The following DNM3 variants were observed in gnomAD, a reference collection of about 807,000 sequenced individuals.
DNM3 encodes the protein dynamin-3.
In DNM3, 47 loss-of-function variants were observed where a neutral mutation model predicts 101.6. That is an observed-to-expected ratio of 0.46 (90% CI 0.37 to 0.59). The LOEUF (loss-of-function observed/expected upper bound fraction) is 0.59, where lower values mean the gene tolerates loss of function less well. DNM3 is among the 20% of genes least tolerant of loss of function. The pLI, the probability that DNM3 is intolerant of heterozygous loss-of-function variation, is 0.00. For synonymous variants in DNM3, 385 were observed against 387.9 expected (o/e 0.99, Z 0.09); for missense variants, 849 against 1,085.7 (o/e 0.78, Z 3.06).
chr1:172,107,369 C>T (rs1178248781), intron 13 of DNM3, among the ~76,000 whole-genome samples: 2 of 151,142 alleles, frequency 1.3e-5, no homozygotes, highest in Non-Finnish European at 2.9e-5. Context: ...GATGGTGAAA[C>T]TCAATATAGT....
intron 14 of DNM3, among the ~76,000 whole-genome samples, chr1:172,210,288 T>C (rs1306421987): frequency 6.7e-6 from 1 of 149,662 alleles, no homozygotes; most frequent in East Asian, 2.0e-4. Context: ...ATCAAATATA[T>C]AGGTAATTAA....
chr1:172,057,507 T>C (rs1435885104), intron 10 of DNM3, among the ~76,000 whole-genome samples: 4 of 152,290 alleles, frequency 2.6e-5, no homozygotes, highest in Non-Finnish European at 5.9e-5. Flanking sequence ...CAGCAGAAAC[T>C]CTACAAGCCA....
chr1:172,262,213 G>A lies in DNM3; in HGVS notation c.1769+8531G>A, dbSNP rs145060636. Among the ~76,000 whole-genome samples, 253 of 152,246 alleles carry A rather than the reference G, an allele frequency of 1.7e-3. 1 individual carries two copies. Among genetic ancestry groups the A allele is most frequent in the African/African-American group, 5.6e-3 (231 of 41,552 alleles). ...CTCCGCAGCAGCTTAAAGCAGTGGT[G>A]GTTGTGGGCAGTGGCATTTGTCCTT... On this transcript the variant is annotated intron_variant, in intron 15 of 20. Transcript: ENST00000627582.
intron 14 of DNM3, among the ~76,000 whole-genome samples, chr1:172,223,211 C>A (rs1344511608): frequency 6.6e-6 from 1 of 151,602 alleles, no homozygotes; most frequent in East Asian, 1.9e-4. Context: ...CTGTTGATCT[C>A]TTCCCATCCT....
intron 14 of DNM3, among the ~76,000 whole-genome samples, chr1:172,164,689 C>T (rs571114336): frequency 1.3e-5 from 2 of 152,066 alleles, no homozygotes; most frequent in East Asian, 3.9e-4. Context: ...ACGGTGTAAA[C>T]CAGAGGGACA....
chr1:172,339,535 A>C (rs1271367381), intron 17 of DNM3, among the ~76,000 whole-genome samples: 1 of 152,174 alleles, frequency 6.6e-6, no homozygotes, highest in East Asian at 1.9e-4. Context: ...AAGCACCCAG[A>C]GGTGTAACAA....
chr1:171,900,767 G>T (rs1242449713), intron 1 of DNM3, among the ~76,000 whole-genome samples: 2 of 152,040 alleles, frequency 1.3e-5, no homozygotes, highest in Admixed American at 1.3e-4. Flanking sequence ...TTAAAAAGCT[G>T]GAACATTTTT....
intron 14 of DNM3, among the ~76,000 whole-genome samples, chr1:172,243,360 G>GA (rs969768547): frequency 2.2e-4 from 34 of 152,060 alleles, no homozygotes; most frequent in African/African-American, 7.2e-4. Flanking sequence ...GCTAAGTGAG[G>GA]AAAAAAATAC....
chr1:172,342,746 A>C (rs995311384), intron 17 of DNM3, among the ~76,000 whole-genome samples: 5 of 152,214 alleles, frequency 3.3e-5, no homozygotes, highest in Non-Finnish European at 5.9e-5. Context: ...GGGAAAAAAA[A>C]GTAAACATGT....
At chr1:171,944,847 G>T (rs1216489208) in intron 2 of DNM3, among the ~76,000 whole-genome samples, 33 of 115,904 alleles carry the variant, frequency 2.8e-4, no homozygotes, top group Admixed American at 5.0e-4. Flanking sequence ...CTTTTTTTTT[G>T]GTGTTTCCTT....
chr1:172,323,712 A>G (rs149171310), intron 17 of DNM3, among the ~76,000 whole-genome samples: 70 of 152,350 alleles, frequency 4.6e-4, no homozygotes, highest in African/African-American at 1.5e-3. Flanking sequence ...TTGACTAAAA[A>G]TCAAACCTCT....
intron 1 of DNM3, among the ~76,000 whole-genome samples, chr1:171,890,807 A>G (rs531455099): frequency 6.6e-6 from 1 of 152,282 alleles, no homozygotes; most frequent in East Asian, 1.9e-4. Context: ...AGCAAAAAAC[A>G]AAACAAACAA....
chr1:171,861,265 G>C (rs2034148112), intron 1 of DNM3, among the ~76,000 whole-genome samples: 1 of 151,968 alleles, frequency 6.6e-6, no homozygotes, highest in Admixed American at 6.6e-5. Context: ...AATTTTTATG[G>C]AGTTGCATAG....
intron 1 of DNM3, among the ~76,000 whole-genome samples, chr1:171,856,174 C>T (rs1014641000): frequency 6.6e-6 from 1 of 152,040 alleles, no homozygotes; most frequent in African/African-American, 2.4e-5. Flanking sequence ...ATCAGATAGT[C>T]GTAGGTGTGT....
At chr1:172,412,881 G>A (rs1386976810), downstream of DNM3, among the ~76,000 whole-genome samples, 1 of 152,154 alleles carries the variant, frequency 6.6e-6, no homozygotes. Context: ...AGAAAGATGG[G>A]ATTTTTAAAG....
chr1:172,358,908 A>G (rs1024672010), intron 17 of DNM3, among the ~76,000 whole-genome samples: 1 of 149,696 alleles, frequency 6.7e-6, no homozygotes, highest in Non-Finnish European at 1.5e-5. Context: ...AGGAAAAAAA[A>G]GCCACAGACA....
At chr1:171,911,954 T>C (rs746890243) in intron 1 of DNM3, among the ~76,000 whole-genome samples, 25 of 152,138 alleles carry the variant, frequency 1.6e-4, no homozygotes, top group Non-Finnish European at 3.4e-4. Context: ...TGAGCCTCTT[T>C]GGTACCAGGC....
chr1:172,150,033 A>C (rs1186442913), intron 14 of DNM3, among the ~76,000 whole-genome samples: 1 of 152,182 alleles, frequency 6.6e-6, no homozygotes, highest in Non-Finnish European at 1.5e-5. Flanking sequence ...CCTTTATTTT[A>C]GGATTTTAAT....
At chr1:172,032,799 A>G (rs2048708655) in intron 5 of DNM3, among the ~76,000 whole-genome samples, 1 of 152,074 alleles carries the variant, frequency 6.6e-6, no homozygotes, top group Admixed American at 6.6e-5. Flanking sequence ...ATAAACTTAT[A>G]CTATTGTAAG....
Sources: gnomAD v4.1 joint callset for allele counts (sites outside exome capture counted in the v4.1 genomes callset) on GRCh38, gnomAD v4.1.1 for gene constraint, MANE v1.5 for transcripts, NCBI Gene and HGNC (gene_info 2026-07-23, HGNC 2026-07-21) for gene names.